Variants in PCDHA9 observed in about 807,000 individuals in gnomAD.
PCDHA9 encodes protocadherin alpha-9.
A neutral mutation model predicts 62.0 loss-of-function variants in PCDHA9; 62 were observed. That is an observed-to-expected ratio of 1.00 (90% CI 0.81 to 1.23). PCDHA9 has a LOEUF of 1.23. Ranked by LOEUF, PCDHA9 falls within the 50% of genes most tolerant of loss-of-function variation. The pLI, the probability that PCDHA9 is intolerant of heterozygous loss-of-function variation, is 0.00. For missense variants in PCDHA9, 1,205 were observed against 1,249.8 expected (o/e 0.96, Z 0.54); for synonymous variants, 557 against 567.6 (o/e 0.98, Z 0.27).
chr5:140,900,683 T>C (rs144072569), intron 1 of PCDHA9, among the ~76,000 whole-genome samples: 52 of 152,340 alleles, frequency 3.4e-4, no homozygotes, highest in African/African-American at 9.9e-4. Context: ...ATCTCTTCAA[T>C]ATACTGATTT....
chr5:140,877,193 G>T, intron 1 of PCDHA9: 1 of 1,613,832 alleles, frequency 6.2e-7, no homozygotes, highest in Non-Finnish European at 8.5e-7. Flanking sequence ...GGCAGCGCAG[G>T]AGGCGCAGTT....
At chr5:140,987,045 C>G (rs1344958949) in intron 3 of PCDHA9, among the ~76,000 whole-genome samples, 1 of 151,982 alleles carries the variant, frequency 6.6e-6, no homozygotes, top group Non-Finnish European at 1.5e-5. Flanking sequence ...GAAACCCCAT[C>G]TCTACTAAAG....
chr5:141,008,872 A>C (rs1174901625), intron 3 of PCDHA9, among the ~76,000 whole-genome samples: 1 of 152,140 alleles, frequency 6.6e-6, no homozygotes, highest in Non-Finnish European at 1.5e-5. Context: ...GCTGCATCCC[A>C]CCACCCTTCA....
chr5:140,975,099 A>G (rs540357854), intron 1 of PCDHA9, among the ~76,000 whole-genome samples: 1 of 152,152 alleles, frequency 6.6e-6, no homozygotes, highest in Non-Finnish European at 1.5e-5. Flanking sequence ...TTGTTTGGGG[A>G]CTGAGATCTC....
In PCDHA9 at chr5:141,010,844, A is replaced by T. The variant is rs1286149629; in HGVS notation, c.*907A>T. ...TGTTTGTTGTTTCATAGATTTATTT[A>T]AAAAAAGAGAAAGTCTATAGCTATA... On this transcript the variant is annotated 3_prime_UTR_variant, in exon 4 of 4. Coordinates refer to ENST00000532602, the MANE Select transcript of PCDHA9 (RefSeq NM_031857.2). The T allele has an allele frequency of 1.3e-5, 2 of 153,756 alleles. No homozygotes were observed. The highest frequency in any genetic ancestry group is 2.9e-5 in the Non-Finnish European group (2 of 68,056). 9.5% of individuals were successfully genotyped at this position (153,756 alleles called of 1,614,324 possible).
At chr5:140,913,896 C>T (rs1440194616) in intron 1 of PCDHA9, among the ~76,000 whole-genome samples, 5 of 152,018 alleles carry the variant, frequency 3.3e-5, no homozygotes, top group African/African-American at 7.2e-5. Context: ...TCCAAAATTC[C>T]CCTTTTTTAT....
chr5:140,967,998 G>A lies in PCDHA9; in HGVS notation c.2395-10951G>A, dbSNP rs1554230183. The A allele has an allele frequency of 1.9e-6, 3 of 1,614,040 alleles. No individual in the cohort carries two copies. Among genetic ancestry groups the A allele is most frequent in the African/African-American group, 1.3e-5 (1 of 74,916 alleles). The stretch of plus-strand genomic sequence containing the variant: ...GGTCTGGAGGCCACACTGCCTTTCC[G>A]ACTGAATGGCTTTGGAAACTCCTAT... On this transcript the variant is annotated intron_variant, in intron 1 of 3. Transcript: ENST00000532602.
intron 1 of PCDHA9, among the ~76,000 whole-genome samples, chr5:140,972,667 T>G (rs1442293512): frequency 1.3e-5 from 2 of 149,086 alleles, no homozygotes; most frequent in East Asian, 3.9e-4. Context: ...CAAATTTTTT[T>G]TTTTTTTTTT....
In PCDHA9 at chr5:140,897,967, T is replaced by G. The variant is rs1277557012; in HGVS notation, c.2394+47078T>G. On this transcript the variant is annotated intron_variant, in intron 1 of 3. Transcript: ENST00000532602. Reference sequence around the variant, plus strand: ...ATGATTAGCATTTTTTCATGTGTCTTTTGGCTGCATAAATGTCTTCTTTTG... The same window carrying G: ...ATGATTAGCATTTTTTCATGTGTCTGTTGGCTGCATAAATGTCTTCTTTTG... Among the ~76,000 whole-genome samples, 3 of 152,364 alleles carry G rather than the reference T, an allele frequency of 2.0e-5. No homozygotes were observed. In the East Asian group the frequency reaches 5.8e-4, roughly 29 times the overall value.
intron 3 of PCDHA9, among the ~76,000 whole-genome samples, chr5:140,996,183 T>C (rs1360004898): frequency 6.6e-6 from 1 of 152,232 alleles, no homozygotes; most frequent in African/African-American, 2.4e-5. Context: ...AGCACCTCCA[T>C]TTTATACCCT....
chr5:140,915,863 A>C (rs1424465325), intron 1 of PCDHA9, among the ~76,000 whole-genome samples: 1 of 152,172 alleles, frequency 6.6e-6, no homozygotes, highest in Non-Finnish European at 1.5e-5. Context: ...CCAAGTTTGC[A>C]TCCTTCCCTT....
chr5:140,994,665 A>G (rs555985538), intron 3 of PCDHA9, among the ~76,000 whole-genome samples: 1 of 152,294 alleles, frequency 6.6e-6, no homozygotes, highest in East Asian at 1.9e-4. Flanking sequence ...AGATCACACT[A>G]CTGCACTCCA....
At position 140,877,198 on chromosome 5, in the gene PCDHA9, G is replaced by A. The variant is rs781787046; in HGVS notation, c.2394+26309G>A. On this transcript the variant is annotated intron_variant, in intron 1 of 3. Transcript: ENST00000532602. Reference sequence around the variant, plus strand: ...GACTCCGGCTGGCAGCGCAGGAGGCGCAGTTAGCGAGTTGGTACCGCGGTC... The same window carrying A: ...GACTCCGGCTGGCAGCGCAGGAGGCACAGTTAGCGAGTTGGTACCGCGGTC... The A allele has an allele frequency of 1.5e-5, 24 of 1,613,830 alleles. No individual in the cohort carries two copies. The highest frequency in any genetic ancestry group is 7.7e-5 in the South Asian group (7 of 91,064).
intron 1 of PCDHA9, among the ~76,000 whole-genome samples, chr5:140,855,465 T>G (rs1363813881): frequency 2.0e-5 from 3 of 149,888 alleles, no homozygotes; most frequent in South Asian, 2.1e-4. Context: ...ACCTCACAGA[T>G]AGTTGATGCT....
chr5:140,870,288 G>A (rs782327278), intron 1 of PCDHA9: 4 of 1,614,090 alleles, frequency 2.5e-6, no homozygotes, highest in Admixed American at 3.3e-5. Flanking sequence ...TTCCCTTCAA[G>A]CTGGTGTCCA....
chr5:140,850,686 G>C lies in PCDHA9; in HGVS notation c.2191G>C (p.Glu731Gln), dbSNP rs2150493966. ...GTGCTCGGCGATGCCCACCGAGGGC[G>C]AGTGCGCGCCTGGCAAGCCGACGCT... The part of the protein sequence containing the change: ...LRCSAMPTEG[E>Q]CAPGKPTLVC... The change falls in exon 1 of 4, where the codon GAG becomes CAG. Residue 731 changes from glutamate (E) to glutamine (Q), a missense_variant. Glu to Gln is a conservative substitution (Grantham distance 29). This residue lies in a region of PCDHA9 where 887 missense variants were observed against 809.5 expected (regional missense o/e 1.10). Transcript: ENST00000532602. The C allele has an allele frequency of 2.5e-6, 4 of 1,598,520 alleles. No individual in the cohort carries two copies. Among genetic ancestry groups the C allele is most frequent in the Non-Finnish European group, 3.4e-6 (4 of 1,167,886 alleles).
intron 1 of PCDHA9, chr5:140,870,855 G>T: frequency 3.7e-6 from 6 of 1,613,910 alleles, no homozygotes; most frequent in East Asian, 2.2e-5. Context: ...CGCGGTCGGT[G>T]GGTGCGGGCC....
rs573633705 is a variant in PCDHA9, at chr5:140,978,668, C to T, written c.2395-281C>T. ...TGTTCTTCCCGTAGTGTTTTAAGAACACAGACATGTATTGGGCAAGGCAAA... is the reference window on the plus strand; with the variant it reads ...TGTTCTTCCCGTAGTGTTTTAAGAATACAGACATGTATTGGGCAAGGCAAA... On this transcript the variant is annotated intron_variant, in intron 1 of 3. Coordinates refer to ENST00000532602, the MANE Select transcript of PCDHA9 (RefSeq NM_031857.2). 4.6e-5 allele frequency among the ~76,000 whole-genome samples: 7 copies of T among 152,362 alleles called. No homozygotes were observed. The East Asian group carries it at 1.3e-3, about 29-fold the overall frequency.
rs2041539059 is a variant in PCDHA9, at chr5:140,850,345, G to A, written c.1850G>A (p.Ser617Asn). Residue 617 changes from serine to asparagine, a missense_variant, in exon 1 of 4, where the codon AGC becomes AAC. By Grantham distance (46) the Ser-to-Asn change is conservative. This residue lies in a region of PCDHA9 where 887 missense variants were observed against 809.5 expected (regional missense o/e 1.10). Transcript: ENST00000532602. Reference protein sequence around the residue: ...LSYELQPETASASIPFRVGLY... With the variant: ...LSYELQPETANASIPFRVGLY... ...TACGAGCTGCAGCCAGAAACGGCCA[G>A]CGCGAGCATCCCGTTCCGCGTGGGG... 5.0e-6 allele frequency: 8 copies of A among 1,597,746 alleles called. 1 individual carries two copies. Among genetic ancestry groups the A allele is most frequent in the Non-Finnish European group, 6.9e-6 (8 of 1,167,738 alleles).
Sources: allele counts gnomAD v4.1 joint callset (sites outside exome capture counted in the v4.1 genomes callset), GRCh38; gene constraint gnomAD v4.1.1; regional missense constraint gnomAD v4.1.1; transcripts MANE v1.5; gene names NCBI Gene and HGNC (gene_info 2026-07-23, HGNC 2026-07-21).